Variants in CWH43 observed in about 807,000 individuals in gnomAD.
CWH43 encodes cell wall biogenesis 43 C-terminal homolog.
Under a neutral mutation model 85.7 loss-of-function variants are expected in CWH43, and 91 were observed. That is an observed-to-expected ratio of 1.06 (90% CI 0.90 to 1.26). The LOEUF (loss-of-function observed/expected upper bound fraction) is 1.26. Ranked by LOEUF, CWH43 falls within the 50% of genes most tolerant of loss-of-function variation. The pLI is 0.00. For missense variants in CWH43, 869 were observed against 839.2 expected, an observed-to-expected ratio of 1.04 and a Z score of -0.44; for synonymous variants, 323 against 293.6, an observed-to-expected ratio of 1.10 and a Z score of -1.02.
intron 13 of CWH43, among the ~76,000 whole-genome samples, chr4:49,040,207 C>T (rs990229171): frequency 1.3e-4 from 20 of 152,240 alleles, no homozygotes; most frequent in African/African-American, 3.9e-4. Context: ...AATAAACATA[C>T]GTGTGCATGT....
chr4:49,007,356 A>T, intron 8 of CWH43, 30 bp downstream of exon 8: 2 of 1,501,468 alleles, frequency 1.3e-6, no homozygotes, highest in Non-Finnish European at 1.8e-6. Context: ...CTTAAAAAAA[A>T]TTAATTATAT....
rs2109839718 is a variant in CWH43, at chr4:49,050,698, G to T, written c.1870G>T (p.Gly624Cys). ...CCATTTCTGTTTCTGCTACAGGTTG[G>T]GTTATGCAAGAATCTCCCATGCTGA... is the stretch of plus-strand genomic sequence containing the variant. Reference protein sequence around the residue: ...YIMYRGLIRLGYARISHAELS... With the variant: ...YIMYRGLIRLCYARISHAELS... The change falls in exon 15 of 16, where the codon GGT (glycine) becomes TGT (cysteine). Residue 624 changes from glycine to cysteine, a missense_variant. This residue lies in a region of CWH43 where 577 missense variants were observed against 513.1 expected (regional missense o/e 1.12). Transcript: ENST00000226432. 1 of 1,609,794 alleles carries T rather than the reference G, an allele frequency of 6.2e-7. No homozygotes were observed. The highest frequency in any genetic ancestry group is 8.5e-7 in the Non-Finnish European group (1 of 1,178,168).
In CWH43 at chr4:49,003,930, G is replaced by A. The variant is rs1009554918; in HGVS notation, c.998G>A (p.Cys333Tyr). 5.6e-6 allele frequency: 9 copies of A among 1,613,558 alleles called. No homozygotes were observed. The highest frequency in any genetic ancestry group is 7.6e-6 in the Non-Finnish European group (9 of 1,179,844). ...CTAGAAATATTTTTCTGTGCCTGGT[G>A]CACAGCTTTTAAGTTTGTCCCAGGA... Reference protein sequence around the residue: ...YLLEIFFCAWCTAFKFVPGGV... With the variant: ...YLLEIFFCAWYTAFKFVPGGV... Residue 333 changes from cysteine to tyrosine, a missense_variant, in exon 7 of 16, where the codon TGC (cysteine) becomes TAC (tyrosine). By Grantham distance (194) the Cys-to-Tyr change is radical. Coordinates refer to ENST00000226432, the MANE Select transcript of CWH43 (RefSeq NM_025087.3).
intron 10 of CWH43, 81 bp from the exon 11 acceptor site, chr4:49,030,744 G>A: frequency 8.2e-6 from 11 of 1,334,954 alleles, no homozygotes; most frequent in Non-Finnish European, 1.1e-5. Flanking sequence ...AAAAGGTTAA[G>A]GGTCAAGAGT....
At chr4:49,030,115 G>A (rs1784046846) in intron 10 of CWH43, among the ~76,000 whole-genome samples, 1 of 152,202 alleles carries the variant, frequency 6.6e-6, no homozygotes, top group African/African-American at 2.4e-5. Flanking sequence ...GAGGGAGGTT[G>A]ATTTGTGAAG....
At position 49,025,594 on chromosome 4, in the gene CWH43, G is replaced by A. The variant is rs538489758; in HGVS notation, c.1267-3035G>A. Among the ~76,000 whole-genome samples the A allele has an allele frequency of 2.7e-3, 407 of 152,300 alleles. 4 individuals are homozygous for A. The highest frequency in any genetic ancestry group is 6.8e-3 in the Middle Eastern group (2 of 294). On this transcript the variant is annotated intron_variant, in intron 9 of 15. Transcript: ENST00000226432. ...CTTTTCCCCAGGGATGGGACTTTCT[G>A]AGAGCTGAACTGCAGTGATTATTTC...
intron 8 of CWH43, among the ~76,000 whole-genome samples, chr4:49,013,087 T>G (rs1045835636): frequency 4.6e-5 from 7 of 152,244 alleles, no homozygotes; most frequent in Admixed American, 2.0e-4. Flanking sequence ...CAGCTATGCC[T>G]GGCCCACAGA....
At position 48,998,635 on chromosome 4, in the gene CWH43, A is replaced by T. The variant is rs138872325; in HGVS notation, c.802+87A>T. On this transcript the variant is annotated intron_variant, in intron 6 of 15. Transcript: ENST00000226432. ...GCATGCGCAACTCGACTGAAAGTAG[A>T]TACAACCATACAAATATGTACTGTG... is the stretch of plus-strand genomic sequence containing the variant. The T allele has an allele frequency of 7.1e-3, 6,620 of 931,444 alleles. 36 individuals carry two copies. The highest frequency in any genetic ancestry group is 9.5e-3 in the Non-Finnish European group (5,396 of 566,352). The allele number at this position is 931,444 out of a possible 1,614,324, so 57.7% of individuals were successfully genotyped here.
intron 9 of CWH43, among the ~76,000 whole-genome samples, chr4:49,024,815 G>A (rs2109796024): frequency 6.6e-6 from 1 of 152,034 alleles, no homozygotes; most frequent in East Asian, 1.9e-4. Context: ...TAGATAACCT[G>A]ATGACTATGT....
chr4:49,020,410 C>CAT (rs1783710376), intron 9 of CWH43, among the ~76,000 whole-genome samples: 1 of 113,098 alleles, frequency 8.8e-6, no homozygotes, highest in Non-Finnish European at 2.1e-5. Context: ...CACACACACA[C>CAT]ACACACATAT....
intron 9 of CWH43, among the ~76,000 whole-genome samples, chr4:49,022,862 T>C (rs1783795196): frequency 1.3e-5 from 2 of 152,206 alleles, no homozygotes; most frequent in Admixed American, 1.3e-4. Context: ...CATTGAATGA[T>C]CTTTTGCATT....
chr4:49,038,900 T>C (rs1375427426), intron 13 of CWH43, among the ~76,000 whole-genome samples: 1 of 150,436 alleles, frequency 6.6e-6, no homozygotes, highest in African/African-American at 2.4e-5. Context: ...CTACTAAAAA[T>C]ACAAAAAATT....
intron 8 of CWH43, among the ~76,000 whole-genome samples, chr4:49,015,263 T>G (rs531413939): frequency 1.4e-5 from 2 of 147,620 alleles, no homozygotes; most frequent in East Asian, 2.1e-4. Flanking sequence ...TTGATTAGGG[T>G]TTTTTTTTTC....
chr4:49,057,202 A>C (rs1784994128), intron 15 of CWH43, among the ~76,000 whole-genome samples: 1 of 152,228 alleles, frequency 6.6e-6, no homozygotes, highest in Non-Finnish European at 1.5e-5. Flanking sequence ...TCCTGACGAC[A>C]TGTGCCTAAG....
At chr4:49,039,914 G>A (rs1239403491) in intron 13 of CWH43, among the ~76,000 whole-genome samples, 1 of 151,186 alleles carries the variant, frequency 6.6e-6, no homozygotes, top group Non-Finnish European at 1.5e-5. Flanking sequence ...CCCCACAACA[G>A]TCTCCAGAGT....
intron 8 of CWH43, among the ~76,000 whole-genome samples, chr4:49,007,622 C>A (rs1783202871): frequency 6.6e-6 from 1 of 152,004 alleles, no homozygotes; most frequent in Non-Finnish European, 1.5e-5. Context: ...CTATCCCTCC[C>A]CCCTCACCCC....
chr4:49,059,531 G>T (rs1006926802), intron 15 of CWH43, among the ~76,000 whole-genome samples: 12 of 152,280 alleles, frequency 7.9e-5, no homozygotes, highest in African/African-American at 2.9e-4. Flanking sequence ...TTATGGACAT[G>T]CCCTGGTATC....
chr4:49,029,275 G>T (rs1465539587), intron 10 of CWH43, among the ~76,000 whole-genome samples: 1 of 152,204 alleles, frequency 6.6e-6, no homozygotes, highest in Non-Finnish European at 1.5e-5. Context: ...TGGAATCAAG[G>T]TTTAAGGGAT....
At chr4:49,034,874 C>T (rs1784219583) in intron 12 of CWH43, among the ~76,000 whole-genome samples, 1 of 152,120 alleles carries the variant, frequency 6.6e-6, no homozygotes, top group Non-Finnish European at 1.5e-5. Flanking sequence ...AGTAAGTGCT[C>T]AATTAACACT....
Sources: gnomAD v4.1 joint callset for allele counts (sites outside exome capture counted in the v4.1 genomes callset) on GRCh38, gnomAD v4.1.1 for gene constraint, gnomAD v4.1.1 regional missense constraint, MANE v1.5 for transcripts, NCBI Gene and HGNC (gene_info 2026-07-23, HGNC 2026-07-21) for gene names.